RNF150: variants seen among roughly 807,000 people sequenced by gnomAD.
RNF150 encodes ring finger protein 150.
Under a neutral mutation model 39.3 loss-of-function variants are expected in RNF150, and 24 were observed. That is an observed-to-expected ratio of 0.61 (90% CI 0.44 to 0.86). The LOEUF (loss-of-function observed/expected upper bound fraction) is 0.86, where lower values mean the gene tolerates loss of function less well. Among genes scored for constraint, RNF150 ranks in the 40% least tolerant of loss-of-function variants. The pLI, the probability that RNF150 is intolerant of heterozygous loss-of-function variation, is 0.00. For missense variants in RNF150, 502 were observed against 587.8 expected, an observed-to-expected ratio of 0.85 and a Z score of 1.51; for synonymous variants, 255 against 227.3, an observed-to-expected ratio of 1.12 and a Z score of -1.10.
At chr4:141,170,220 G>A (rs953269310) in intron 1 of RNF150, among the ~76,000 whole-genome samples, 1 of 152,112 alleles carries the variant, frequency 6.6e-6, no homozygotes, top group Non-Finnish European at 1.5e-5. Flanking sequence ...ATTTGTAATG[G>A]TTATAAGTCA....
chr4:141,083,309 A>G (rs1738232551), intron 1 of RNF150, among the ~76,000 whole-genome samples: 2 of 152,214 alleles, frequency 1.3e-5, no homozygotes, highest in Non-Finnish European at 2.9e-5. Flanking sequence ...AACAGGAAAA[A>G]CATCATCAAT....
chr4:141,186,040 C>T (rs1420958057), intron 1 of RNF150, among the ~76,000 whole-genome samples: 1 of 152,072 alleles, frequency 6.6e-6, no homozygotes, highest in Admixed American at 6.5e-5. Context: ...ATGATGCTGG[C>T]CTCATAAAAT....
chr4:140,942,699 A>G (rs1463074757), intron 4 of RNF150, among the ~76,000 whole-genome samples: 1 of 152,144 alleles, frequency 6.6e-6, no homozygotes, highest in Non-Finnish European at 1.5e-5. Flanking sequence ...AAAATTCAAA[A>G]CGCTCCAGTG....
chr4:141,170,717 T>C (rs1319973245), intron 1 of RNF150, among the ~76,000 whole-genome samples: 3 of 152,168 alleles, frequency 2.0e-5, no homozygotes, highest in African/African-American at 7.2e-5. Flanking sequence ...CAATCTCATT[T>C]TGGAAATGAC....
chr4:141,120,151 T>C (rs1187676598), intron 1 of RNF150, among the ~76,000 whole-genome samples: 1 of 152,176 alleles, frequency 6.6e-6, no homozygotes, highest in Non-Finnish European at 1.5e-5. Context: ...TATATTCCCA[T>C]GTGGGAGACA....
At chr4:141,179,879 G>A (rs144035762) in intron 1 of RNF150, among the ~76,000 whole-genome samples, 2 of 152,252 alleles carry the variant, frequency 1.3e-5, no homozygotes, top group South Asian at 2.1e-4. Flanking sequence ...GCTTCACACC[G>A]CAGATGCATA....
At chr4:140,894,844 T>C (rs1729881181) in intron 6 of RNF150, among the ~76,000 whole-genome samples, 1 of 152,202 alleles carries the variant, frequency 6.6e-6, no homozygotes, top group African/African-American at 2.4e-5. Context: ...CGTAGATGCC[T>C]TGTCAATAAT....
intron 1 of RNF150, among the ~76,000 whole-genome samples, chr4:141,066,060 C>T (rs77557745): frequency 0.022 from 3,275 of 152,078 alleles, 46 homozygotes; most frequent in Non-Finnish European, 0.033. Flanking sequence ...TCTAACCCTT[C>T]GCCCTCAACA....
At chr4:140,928,076 C>T (rs934063726) in intron 4 of RNF150, among the ~76,000 whole-genome samples, 2 of 151,980 alleles carry the variant, frequency 1.3e-5, no homozygotes, top group Admixed American at 6.5e-5. Flanking sequence ...TTTATCTGTG[C>T]ATTCATGCAA....
chr4:141,086,798 G>A (rs6537029), intron 1 of RNF150, among the ~76,000 whole-genome samples: 46,287 of 151,060 alleles, frequency 0.31, 8,448 homozygotes, highest in East Asian at 0.75. Context: ...ATTTTAAATA[G>A]AATTGACACT....
At chr4:141,154,133 C>T (rs1207285894) in intron 1 of RNF150, among the ~76,000 whole-genome samples, 2 of 152,166 alleles carry the variant, frequency 1.3e-5, no homozygotes, top group Admixed American at 1.3e-4. Flanking sequence ...TAAGACTTTG[C>T]TATTAGACAC....
At chr4:141,183,281 G>T (rs1727942590) in intron 1 of RNF150, among the ~76,000 whole-genome samples, 1 of 152,066 alleles carries the variant, frequency 6.6e-6, no homozygotes, top group Non-Finnish European at 1.5e-5. Flanking sequence ...TGTTATTGTT[G>T]ACTCAGTAGG....
At chr4:140,969,815 G>A (rs748076323) in intron 1 of RNF150, among the ~76,000 whole-genome samples, 1 of 142,652 alleles carries the variant, frequency 7.0e-6, no homozygotes, top group Non-Finnish European at 1.5e-5. Context: ...AGGCTGGAGT[G>A]CAGTGGCATG....
intron 6 of RNF150, among the ~76,000 whole-genome samples, chr4:140,883,955 G>A (rs1344322308): frequency 6.6e-6 from 1 of 151,916 alleles, no homozygotes; most frequent in Admixed American, 6.6e-5. Context: ...AAGTCCCTTA[G>A]GCTTTCTTTA....
chr4:140,875,992 C>T (rs540765879), intron 6 of RNF150, among the ~76,000 whole-genome samples: 1 of 152,276 alleles, frequency 6.6e-6, no homozygotes, highest in East Asian at 1.9e-4. Context: ...AGAATAAGTG[C>T]TCTCTGTTTT....
chr4:140,937,789 G>A (rs374940746), intron 4 of RNF150, among the ~76,000 whole-genome samples: 1 of 151,324 alleles, frequency 6.6e-6, no homozygotes, highest in African/African-American at 2.4e-5. Flanking sequence ...TCAACATTTT[G>A]CACAATTAGC....
intron 5 of RNF150, among the ~76,000 whole-genome samples, chr4:140,920,337 A>C (rs1228824682): frequency 9.4e-6 from 1 of 106,792 alleles, no homozygotes; most frequent in Non-Finnish European, 2.0e-5. Context: ...AAACAAATTT[A>C]CAAGAAAAAA....
intron 4 of RNF150, among the ~76,000 whole-genome samples, chr4:140,934,314 A>G (rs567788072): frequency 6.6e-6 from 1 of 152,274 alleles, no homozygotes; most frequent in East Asian, 1.9e-4. Context: ...CAGCCTAAAA[A>G]CATCATTTTT....
At position 141,027,952 on chromosome 4, in the gene RNF150, T is replaced by TTTTTTTTTTTTTTTTTTTTG. The variant is rs1553938684; in HGVS notation, c.485-60080_485-60079insCAAAAAAAAAAAAAAAAAAA. Among the ~76,000 whole-genome samples, 12 of 71,616 alleles carry TTTTTTTTTTTTTTTTTTTTG rather than the reference T, an allele frequency of 1.7e-4. 4 individuals carry two copies. The highest frequency in any genetic ancestry group is 2.6e-4 in the Non-Finnish European group (9 of 34,328). The allele number at this position is 71,616 out of a possible 152,430, so 47.0% of individuals were successfully genotyped here. A position where few individuals can be genotyped will look rare whatever the true frequency, so the allele number is the denominator to read the frequency against. On this transcript the variant is annotated intron_variant, in intron 1 of 6. Coordinates refer to ENST00000515673, the MANE Select transcript of RNF150 (RefSeq NM_020724.2). ...TTTTTTTTTTTTTTTTTTTTTTTTT[T>TTTTTTTTTTTTTTTTTTTTG]CAATCCTGCTGGATCAAGATGTATA...
Sources: allele counts gnomAD v4.1 joint callset (sites outside exome capture counted in the v4.1 genomes callset), GRCh38; gene constraint gnomAD v4.1.1; transcripts MANE v1.5; gene names NCBI Gene and HGNC (gene_info 2026-07-23, HGNC 2026-07-21).